The following SCAF8 variants were observed in gnomAD, a reference collection of about 807,000 sequenced individuals.
The protein encoded by SCAF8 is SR-related and CTD-associated factor 8.
A neutral mutation model predicts 140.5 loss-of-function variants in SCAF8; 23 were observed. That is an observed-to-expected ratio of 0.16 (90% CI 0.12 to 0.23). SCAF8 has a LOEUF of 0.23. Among genes scored for constraint, SCAF8 ranks in the 10% least tolerant of loss-of-function variants. The probability of loss-of-function intolerance (pLI) is 1.00; values close to 1 mark genes in which losing one functional copy is unlikely to be tolerated. For synonymous variants in SCAF8, 575 were observed against 528.9 expected, an observed-to-expected ratio of 1.09 and a Z score of -1.20; for missense variants, 1,397 against 1,555.7, an observed-to-expected ratio of 0.90 and a Z score of 1.72.
intron 17 of SCAF8, among the ~76,000 whole-genome samples, chr6:154,826,099 T>G (rs1378093099): frequency 2.0e-5 from 3 of 152,214 alleles, no homozygotes; most frequent in Middle Eastern, 3.2e-3. Flanking sequence ...TGAGAATGGT[T>G]GTAATTTATA....
intron 1 of SCAF8, 99 bp from the exon 2 acceptor site, chr6:154,773,890 T>C: frequency 1.3e-6 from 1 of 788,180 alleles, no homozygotes; most frequent in Admixed American, 2.2e-5. Context: ...AAAAGCAGTA[T>C]GTTGGTTTCA....
At chr6:154,811,008 C>T (rs1778073166) in intron 12 of SCAF8, among the ~76,000 whole-genome samples, 2 of 152,150 alleles carry the variant, frequency 1.3e-5, no homozygotes, top group African/African-American at 4.8e-5. Flanking sequence ...ACTAGAGCGT[C>T]TTGGAAACCC....
At position 154,753,636 on chromosome 6, in the gene SCAF8, CTA is replaced by C. The variant is rs578173234; in HGVS notation, c.30+19708_30+19709del. On this transcript the variant is annotated intron_variant, in intron 1 of 19. Coordinates refer to ENST00000367178, the MANE Select transcript of SCAF8 (RefSeq NM_014892.5). Reference sequence around the variant, plus strand: ...ATAAATAAATACATGTATAAAGTGTCTATTTTATATATATACATGTATACAAT... The same window carrying C: ...ATAAATAAATACATGTATAAAGTGTCTTTTATATATATACATGTATACAAT... Among the ~76,000 whole-genome samples the C allele has an allele frequency of 6.4e-4, 97 of 152,038 alleles. 5 individuals carry two copies. The South Asian group carries it at 0.017, about 27-fold the overall frequency.
chr6:154,812,721 C>T (rs182299366), intron 12 of SCAF8, among the ~76,000 whole-genome samples: 4 of 152,124 alleles, frequency 2.6e-5, no homozygotes, highest in Non-Finnish European at 4.4e-5. Flanking sequence ...TGAATAATAA[C>T]ATTCCAGGAA....
chr6:154,795,183 T>C (rs1777565464), intron 6 of SCAF8, 44 bp downstream of exon 6: 2 of 1,539,264 alleles, frequency 1.3e-6, no homozygotes, highest in Non-Finnish European at 1.8e-6. Context: ...TAGAATTTAA[T>C]ATTTTCCTAA....
intron 1 of SCAF8, 68 bp downstream of exon 1, chr6:154,733,998 C>G: frequency 6.9e-7 from 1 of 1,448,576 alleles, no homozygotes; most frequent in South Asian, 1.5e-5. Context: ...AGGCCGGGGC[C>G]CGGAGGGTGG....
At chr6:154,800,208 T>G (rs939882433) in intron 6 of SCAF8, among the ~76,000 whole-genome samples, 3 of 151,106 alleles carry the variant, frequency 2.0e-5, no homozygotes, top group African/African-American at 4.8e-5. Context: ...AATTACTTGG[T>G]TTTTTTTCTA....
chr6:154,748,232 T>G (rs943891794), intron 1 of SCAF8, among the ~76,000 whole-genome samples: 2 of 152,096 alleles, frequency 1.3e-5, no homozygotes, highest in African/African-American at 4.8e-5. Context: ...CAGACCTAAT[T>G]TAGTGATAAG....
rs752585472 is a variant in SCAF8 at position 154,774,080 on chromosome 6, A to G, written c.114+8A>G. On this transcript the variant is annotated splice_region_variant and intron_variant, in intron 2 of 19. Coordinates refer to ENST00000367178, the MANE Select transcript of SCAF8 (RefSeq NM_014892.5). The stretch of plus-strand genomic sequence containing the variant: ...GCCATCAAAGCTATTAAGGTGAGTA[A>G]TAAATTTTACTCTTCTATTTTCAAA... The G allele has an allele frequency of 3.2e-6, 5 of 1,576,326 alleles. No individual in the cohort carries two copies. The African/African-American group carries it at 5.4e-5, about 17-fold the overall frequency.
chr6:154,734,220 G>A (rs955600813), intron 1 of SCAF8, among the ~76,000 whole-genome samples: 1 of 152,170 alleles, frequency 6.6e-6, no homozygotes, highest in East Asian at 1.9e-4. Context: ...GCCCTCACCC[G>A]GAGACTCCCG....
intron 14 of SCAF8, among the ~76,000 whole-genome samples, chr6:154,819,268 G>C (rs1230798226): frequency 6.6e-6 from 1 of 152,034 alleles, no homozygotes; most frequent in Admixed American, 6.6e-5. Context: ...AGTGTCCCTA[G>C]TCTCCTCTGG....
At position 154,741,293 on chromosome 6, in the gene SCAF8, C is replaced by T. The variant is rs556652072; in HGVS notation, c.30+7363C>T. ...TTAGGCATGATGGAAATGCATGTTT[C>T]GTGGAGTTCAATTATTTCATTCTAG... is the stretch of plus-strand genomic sequence containing the variant. On this transcript the variant is annotated intron_variant, in intron 1 of 19. Transcript: ENST00000367178. Among the ~76,000 whole-genome samples the T allele has an allele frequency of 3.0e-3, 457 of 152,140 alleles. 4 individuals carry two copies. The highest frequency in any genetic ancestry group is 0.011 in the African/African-American group (441 of 41,506).
intron 1 of SCAF8, among the ~76,000 whole-genome samples, chr6:154,753,579 C>T (rs1194825214): frequency 6.6e-6 from 1 of 152,086 alleles, no homozygotes; most frequent in Non-Finnish European, 1.5e-5. Context: ...GCAGAGGTTG[C>T]AGTGAGCCAA....
At chr6:154,757,058 C>T (rs1778984579) in intron 1 of SCAF8, among the ~76,000 whole-genome samples, 2 of 151,532 alleles carry the variant, frequency 1.3e-5, no homozygotes, top group African/African-American at 2.4e-5. Flanking sequence ...TTGAGTCTCA[C>T]TCTGTTGCCT....
chr6:154,820,448 A>G, intron 15 of SCAF8, 115 bp downstream of exon 15: 1 of 807,880 alleles, frequency 1.2e-6, no homozygotes, highest in Non-Finnish European at 2.0e-6. Context: ...CTCCCAAAAA[A>G]GAGAAAAGAT....
At chr6:154,829,844 T>C (rs1778680967) in intron 18 of SCAF8, among the ~76,000 whole-genome samples, 1 of 152,110 alleles carries the variant, frequency 6.6e-6, no homozygotes, top group African/African-American at 2.4e-5. Context: ...GAGGTGGAGG[T>C]TGCAGTGAGC....
chr6:154,790,432 C>G (rs187249531), intron 4 of SCAF8, among the ~76,000 whole-genome samples: 9 of 148,644 alleles, frequency 6.1e-5, no homozygotes, highest in Non-Finnish European at 1.0e-4. Flanking sequence ...AAAGTTGAAC[C>G]AGATCTTTAT....
intron 19 of SCAF8, among the ~76,000 whole-genome samples, chr6:154,831,710 A>T (rs1778741768): frequency 5.8e-5 from 1 of 17,350 alleles, no homozygotes; most frequent in African/African-American, 1.4e-4. Context: ...TCTTAAAAAA[A>T]AAAAAAAAAA....
chr6:154,831,746 T>C (rs961282011), intron 19 of SCAF8, among the ~76,000 whole-genome samples, 193 bp from the exon 20 acceptor site: 6 of 112,286 alleles, frequency 5.3e-5, no homozygotes, highest in East Asian at 2.8e-4. Flanking sequence ...AAAAAAAGAA[T>C]TATGGTTTAG....
Sources: allele counts gnomAD v4.1 joint callset (sites outside exome capture counted in the v4.1 genomes callset), GRCh38; gene constraint gnomAD v4.1.1; transcripts MANE v1.5; gene names NCBI Gene and HGNC (gene_info 2026-07-23, HGNC 2026-07-21).